ENO4: variants seen among roughly 807,000 people sequenced by gnomAD.
The protein encoded by ENO4 is 2-phospho-D-glycerate hydro-lyase.
Under a neutral mutation model 63.2 loss-of-function variants are expected in ENO4, and 53 were observed. The observed-to-expected ratio is 0.84, with a 90% CI of 0.67 to 1.05. The LOEUF is 1.05. Among genes scored for constraint, ENO4 ranks in the 50% least tolerant of loss-of-function variants. ENO4 has a pLI of 0.00. For synonymous variants in ENO4, 266 were observed against 283.8 expected, an observed-to-expected ratio of 0.94 and a Z score of 0.63; for missense variants, 719 against 772.0, an observed-to-expected ratio of 0.93 and a Z score of 0.81.
chr10:116,905,833 A>T (rs1847947009), intron 10 of ENO4, among the ~76,000 whole-genome samples: 1 of 152,182 alleles, frequency 6.6e-6, no homozygotes, highest in African/African-American at 2.4e-5. Context: ...AAACCTCATA[A>T]AGGTTTCCGT....
chr10:116,862,033 A>G (rs1452521163), intron 6 of ENO4, among the ~76,000 whole-genome samples: 1 of 152,206 alleles, frequency 6.6e-6, no homozygotes, highest in African/African-American at 2.4e-5. Flanking sequence ...GAGGAATGCC[A>G]TTCTTTATCA....
intron 1 of ENO4, 52 bp from the exon 2 acceptor site, chr10:116,855,571 C>T: frequency 1.3e-6 from 2 of 1,534,048 alleles, no homozygotes; most frequent in Non-Finnish European, 1.7e-6. Context: ...GACTTTTTTC[C>T]CCAAACAACA....
intron 8 of ENO4, among the ~76,000 whole-genome samples, chr10:116,870,083 T>C (rs573653426): frequency 2.0e-5 from 3 of 152,180 alleles, no homozygotes; most frequent in Non-Finnish European, 4.4e-5. Flanking sequence ...GTTTGCCAAA[T>C]AAAAGTTTCT....
chr10:116,911,754 C>CATT (rs1402824553), exon 11 of ENO4: 1 of 1,584,594 alleles, frequency 6.3e-7, no homozygotes, highest in East Asian at 2.2e-5. Flanking sequence ...TTTCATTTCC[C>CATT]CATTAGCTAA....
At chr10:116,896,574 T>C (rs970840356) in intron 10 of ENO4, among the ~76,000 whole-genome samples, 8 of 152,086 alleles carry the variant, frequency 5.3e-5, no homozygotes, top group African/African-American at 1.9e-4. Flanking sequence ...TGTCCAAAAA[T>C]TGAATCCACT....
chr10:116,907,677 C>T (rs879084261), intron 10 of ENO4, among the ~76,000 whole-genome samples: 1 of 152,126 alleles, frequency 6.6e-6, no homozygotes, highest in Admixed American at 6.5e-5. Flanking sequence ...TTCTTAGAAA[C>T]GGTCCTTCTC....
rs768385505 is a variant in ENO4, at chr10:116,856,629, C to T, written c.432C>T (p.His144=). Residue 144 remains histidine (H), a synonymous_variant, in exon 3 of 14, where the codon CAC becomes CAT. Transcript: ENST00000341276. The stretch of plus-strand genomic sequence containing the variant: ...AGTGGGTCAACAGCACCATCACGCA[C>T]GAGCTCCAGGGGATGGCACCCTCTG... The part of the protein sequence containing the change: ...AVQWVNSTIT[H]ELQGMAPSDQ... The T allele has an allele frequency of 4.9e-5, 76 of 1,536,038 alleles. 2 individuals are homozygous for T. The South Asian group carries it at 8.2e-4, about 17-fold the overall frequency.
chr10:116,885,031 G>A (rs1027840365), downstream of ENO4: 5 of 152,434 alleles, frequency 3.3e-5, no homozygotes, highest in Admixed American at 1.3e-4. Flanking sequence ...CAAGCATAAC[G>A]AACTTACAGA....
In ENO4 at chr10:116,862,608, C is replaced by G. The variant is rs539593076; in HGVS notation, c.937-191C>G. 3.0e-4 allele frequency among the ~76,000 whole-genome samples: 45 copies of G among 152,330 alleles called. 1 individual carries two copies. The South Asian group carries it at 7.9e-3, about 27-fold the overall frequency. ...AGAGGCTACTGAGGGAGAAGAACCT[C>G]TCATTCACATTCAACCCAATGAAAA... On this transcript the variant is annotated intron_variant, in intron 6 of 13. Coordinates refer to ENST00000341276, the MANE Select transcript of ENO4 (RefSeq NM_001242699.2).
At chr10:116,880,024 T>C in intron 13 of ENO4, 38 bp downstream of exon 13, 1 of 1,438,264 alleles carries the variant, frequency 7.0e-7, no homozygotes, top group Non-Finnish European at 9.5e-7. Flanking sequence ...CACTTAGCCA[T>C]GAATAAGAGA....
chr10:116,887,378 G>A (rs573955500), downstream of ENO4, among the ~76,000 whole-genome samples: 1 of 152,322 alleles, frequency 6.6e-6, no homozygotes, highest in African/African-American at 2.4e-5. Flanking sequence ...CGGCCTGAAG[G>A]TGGAGGCAGC....
intron 4 of ENO4, among the ~76,000 whole-genome samples, chr10:116,860,271 C>G (rs538785992): frequency 6.6e-6 from 1 of 152,052 alleles, no homozygotes; most frequent in Non-Finnish European, 1.5e-5. Flanking sequence ...GAATGTGGGT[C>G]AATGATTGGA....
chr10:116,850,836 CA>C (rs1054200814), intron 1 of ENO4, among the ~76,000 whole-genome samples: 5 of 152,000 alleles, frequency 3.3e-5, no homozygotes, highest in Admixed American at 2.6e-4. Flanking sequence ...GTGGCCAGTG[CA>C]ATTTAAATGA....
chr10:116,861,034 T>C, intron 5 of ENO4, 25 bp from the exon 6 acceptor site: 1 of 1,544,380 alleles, frequency 6.5e-7, no homozygotes. Flanking sequence ...GTTTCTCATT[T>C]TCCCTCGTTT....
intron 10 of ENO4, among the ~76,000 whole-genome samples, chr10:116,888,556 C>T (rs985877128): frequency 6.6e-5 from 10 of 152,210 alleles, no homozygotes; most frequent in African/African-American, 2.4e-4. Flanking sequence ...ACCTATCTCT[C>T]TCTCACAAGC....
intron 10 of ENO4, among the ~76,000 whole-genome samples, chr10:116,899,629 A>G (rs551242575): frequency 6.6e-6 from 1 of 152,100 alleles, no homozygotes; most frequent in African/African-American, 2.4e-5. Flanking sequence ...CTTGACCTTG[A>G]TTCAGGTCAA....
chr10:116,874,286 C>T, intron 10 of ENO4, 85 bp downstream of exon 10: 5 of 1,042,506 alleles, frequency 4.8e-6, no homozygotes, highest in Non-Finnish European at 3.9e-6. Context: ...TTATAACTCA[C>T]CTTTTATATT....
At chr10:116,897,401 G>C (rs1847560995) in intron 10 of ENO4, among the ~76,000 whole-genome samples, 1 of 152,126 alleles carries the variant, frequency 6.6e-6, no homozygotes, top group Non-Finnish European at 1.5e-5. Context: ...CATTGGCTAG[G>C]AATTACTGGG....
Position 116,870,610 on chromosome 10 carries a change from A to G in ENO4, c.1048-515A>G, listed in dbSNP as rs34404357. Among the ~76,000 whole-genome samples, 718 of 152,348 alleles carry G rather than the reference A, an allele frequency of 4.7e-3. 4 individuals are homozygous for G. The highest frequency in any genetic ancestry group is 0.015 in the South Asian group (71 of 4,828). On this transcript the variant is annotated intron_variant, in intron 8 of 13. Coordinates refer to ENST00000341276, the MANE Select transcript of ENO4 (RefSeq NM_001242699.2). ...AGCCACGTTCAAGCCACTGCACTCC[A>G]GCCTGGGTGACAGAGCAAGACACTA...
Sources: allele counts gnomAD v4.1 joint callset (sites outside exome capture counted in the v4.1 genomes callset), GRCh38; gene constraint gnomAD v4.1.1; transcripts MANE v1.5; gene names NCBI Gene and HGNC (gene_info 2026-07-23, HGNC 2026-07-21).